ZNF567: variants seen among roughly 807,000 people sequenced by gnomAD.
ZNF567 encodes the protein zinc finger protein 567.
Under a neutral mutation model 53.9 loss-of-function variants are expected in ZNF567, and 36 were observed. The ratio of observed to expected loss-of-function variants is 0.67; its 90% CI spans 0.51 to 0.88. The LOEUF (loss-of-function observed/expected upper bound fraction) is 0.88. Among genes scored for constraint, ZNF567 ranks in the 40% least tolerant of loss-of-function variants. The pLI, the probability that ZNF567 is intolerant of heterozygous loss-of-function variation, is 0.00. For missense variants in ZNF567, 619 were observed against 764.7 expected (o/e 0.81, Z 2.25); for synonymous variants, 224 against 260.4 (o/e 0.86, Z 1.35).
rs1224754075 is a variant in ZNF567 at position 36,719,023 on chromosome 19, G to A, written c.299G>A (p.Ser100Asn). 6.2e-7 allele frequency: 1 copy of A among 1,610,654 alleles called. No homozygotes were observed. Among genetic ancestry groups the A allele is most frequent in the Admixed American group, 1.7e-5 (1 of 59,388 alleles). ...HQEKYSRSVV[S>N]INHKKLVKEK... ...GAGAAGTATTCTAGATCAGTTGTAA[G>A]CATCAACCACAAAAAACTGGTGAAG... Residue 100 changes from serine to asparagine, a missense_variant, in exon 6 of 6, where the codon AGC becomes AAC. Ser to Asn is a conservative substitution (Grantham distance 46). Coordinates refer to ENST00000682579, the MANE Select transcript of ZNF567 (RefSeq NM_001322917.1).
intron 3 of ZNF567, among the ~76,000 whole-genome samples, chr19:36,695,924 A>G (rs1020402173): frequency 6.6e-6 from 1 of 152,198 alleles, no homozygotes; most frequent in African/African-American, 2.4e-5. Flanking sequence ...GTAAGTAGCA[A>G]GAAGTCTTGT....
At chr19:36,723,390 T>C, downstream of ZNF567, 1 of 623,016 alleles carries the variant, frequency 1.6e-6, no homozygotes, top group Non-Finnish European at 2.9e-6. Context: ...CTGATTATCA[T>C]GAAATAGCCA....
Position 36,720,437 on chromosome 19 carries a change from C to G in ZNF567, c.1713C>G (p.Ser571Arg). ...GTCCTCAGTGTGGGAAAGCCTTTAGCAGGAAGTCATATCTCATTCATCATC... is the reference window on the plus strand; with the variant it reads ...GTCCTCAGTGTGGGAAAGCCTTTAGGAGGAAGTCATATCTCATTCATCATC... ...YECPQCGKAF[S>R]RKSYLIHHQR... Residue 571 changes from serine (S) to arginine (R), a missense_variant, in exon 6 of 6, where the codon AGC (serine) becomes AGG (arginine). Transcript: ENST00000682579. The G allele has an allele frequency of 1.9e-6, 3 of 1,613,894 alleles. No individual in the cohort carries two copies. The highest frequency in any genetic ancestry group is 1.3e-5 in the African/African-American group (1 of 74,934).
intron 3 of ZNF567, among the ~76,000 whole-genome samples, chr19:36,700,497 G>C (rs2039122321): frequency 1.3e-5 from 2 of 150,396 alleles, no homozygotes; most frequent in African/African-American, 4.9e-5. Flanking sequence ...CAGAAGGAAT[G>C]GTACCAGTTC....
At chr19:36,682,188 T>C in the ZNF567 span, among the ~76,000 whole-genome samples, 1 of 148,002 alleles carries the variant, frequency 6.8e-6, no homozygotes, top group Non-Finnish European at 1.5e-5. Flanking sequence ...GAGGCTGAGG[T>C]GGGAGGATTG....
chr19:36,699,354 G>C (rs62112509), intron 3 of ZNF567, among the ~76,000 whole-genome samples: 14 of 152,174 alleles, frequency 9.2e-5, no homozygotes, highest in Non-Finnish European at 5.9e-5. Context: ...GTCAGGTAGC[G>C]TGATGCCTCC....
In ZNF567 at chr19:36,712,403, T is replaced by C. The variant is rs777429002; in HGVS notation, c.27T>C (p.Asn9=). Residue 9 remains asparagine (N), a synonymous_variant, in exon 4 of 6, where the codon AAT becomes AAC. Transcript: ENST00000682579. MAQGSVSF[N]DVTVDFTQEE... ...CATTCTAGGGATCAGTGTCTTTCAATGATGTGACTGTGGACTTCACTCAGG... is the reference window on the plus strand; with the variant it reads ...CATTCTAGGGATCAGTGTCTTTCAACGATGTGACTGTGGACTTCACTCAGG... 1.9e-6 allele frequency: 3 copies of C among 1,613,816 alleles called. No individual in the cohort carries two copies. Among genetic ancestry groups the C allele is most frequent in the African/African-American group, 2.7e-5 (2 of 74,918 alleles).
chr19:36,683,306 A>G (rs1429602511), upstream of ZNF567, among the ~76,000 whole-genome samples: 2 of 151,872 alleles, frequency 1.3e-5, no homozygotes, highest in Non-Finnish European at 2.9e-5. Context: ...TCCTGGGCTC[A>G]AGTGTTCCAC....
intron 3 of ZNF567, among the ~76,000 whole-genome samples, chr19:36,706,678 T>TG (rs1454239375): frequency 3.2e-5 from 4 of 124,116 alleles, no homozygotes; most frequent in Non-Finnish European, 6.8e-5. Context: ...GGTTTTTTTT[T>TG]TTGTTTTTTT....
rs752395633 is a variant in ZNF567 at position 36,720,135 on chromosome 19, C to G, written c.1411C>G (p.His471Asp). 4 of 1,613,912 alleles carry G rather than the reference C, an allele frequency of 2.5e-6. No individual in the cohort carries two copies. Among genetic ancestry groups the G allele is most frequent in the Non-Finnish European group, 3.4e-6 (4 of 1,180,000 alleles). ...AACCCTTGTAGCACATCAGAGAACA[C>G]ATACAGGGGAGAAATCTTATGAATG... ...KTTLVAHQRT[H>D]TGEKSYECPH... Residue 471 changes from histidine (H) to aspartate (D), a missense_variant, in exon 6 of 6, where the codon CAT (histidine) becomes GAT (aspartate). By Grantham distance (81) the His-to-Asp change is moderately conservative. Coordinates refer to ENST00000682579, the MANE Select transcript of ZNF567 (RefSeq NM_001322917.1).
chr19:36,687,594 G>T (rs1480986234), upstream of ZNF567: 1 of 152,362 alleles, frequency 6.6e-6, no homozygotes, highest in African/African-American at 2.4e-5. Flanking sequence ...CATCGTCCGC[G>T]TGGGAGTGCG....
At chr19:36,717,638 A>G (rs562730579) in intron 5 of ZNF567, among the ~76,000 whole-genome samples, 186 of 152,362 alleles carry the variant, frequency 1.2e-3, no homozygotes, top group Non-Finnish European at 2.1e-3. Flanking sequence ...CTTGGACTCA[A>G]TGAAGAAATA....
At chr19:36,705,089 C>A (rs2039423398) in intron 3 of ZNF567, among the ~76,000 whole-genome samples, 1 of 152,014 alleles carries the variant, frequency 6.6e-6, no homozygotes, top group Admixed American at 6.5e-5. Flanking sequence ...CTCACTTTTT[C>A]CCCTGGTTCT....
At chr19:36,691,809 A>G (rs1458360039) in intron 2 of ZNF567, among the ~76,000 whole-genome samples, 2 of 152,072 alleles carry the variant, frequency 1.3e-5, no homozygotes, top group Admixed American at 1.3e-4. Flanking sequence ...CATGCTGGCT[A>G]ATTTGTGTAT....
the ZNF567 span, among the ~76,000 whole-genome samples, chr19:36,670,787 G>A: frequency 4.6e-5 from 7 of 152,224 alleles, no homozygotes; most frequent in South Asian, 6.2e-4. Flanking sequence ...CAGGGATCTC[G>A]ATTGCCTTTT....
chr19:36,674,889 GA>G, the ZNF567 span, among the ~76,000 whole-genome samples: 4 of 152,152 alleles, frequency 2.6e-5, no homozygotes, highest in South Asian at 8.3e-4. Context: ...AAGTAACTGG[GA>G]TTACAGGCAT....
intron 5 of ZNF567, among the ~76,000 whole-genome samples, chr19:36,718,621 T>C (rs904417416): frequency 1.3e-5 from 2 of 152,240 alleles, no homozygotes; most frequent in Non-Finnish European, 2.9e-5. Flanking sequence ...TACATTTTAA[T>C]GCTTTTGATA....
intron 3 of ZNF567, among the ~76,000 whole-genome samples, chr19:36,695,295 G>A (rs1344526850): frequency 6.6e-6 from 1 of 151,808 alleles, no homozygotes; most frequent in East Asian, 1.9e-4. Context: ...TTGGGAGGCC[G>A]AGGTGGGCAG....
chr19:36,696,838 G>C (rs3108181), intron 3 of ZNF567, among the ~76,000 whole-genome samples: 3 of 151,972 alleles, frequency 2.0e-5, no homozygotes, highest in African/African-American at 7.3e-5. Context: ...AGAGCTTACC[G>C]TTTTAACCAT....
Sources: allele counts gnomAD v4.1 joint callset (sites outside exome capture counted in the v4.1 genomes callset), GRCh38; gene constraint gnomAD v4.1.1; transcripts MANE v1.5; gene names NCBI Gene and HGNC (gene_info 2026-07-23, HGNC 2026-07-21).